Variants in SLC26A9 observed in about 807,000 individuals in gnomAD.
The protein encoded by SLC26A9 is anion transporter/exchanger protein 9.
Under a neutral mutation model 87.1 loss-of-function variants are expected in SLC26A9, and 46 were observed. That is an observed-to-expected ratio of 0.53 (90% CI 0.42 to 0.67). The LOEUF (loss-of-function observed/expected upper bound fraction) is 0.67, where lower values mean the gene tolerates loss of function less well. SLC26A9 is among the 30% of genes least tolerant of loss of function. The probability of loss-of-function intolerance (pLI) is 0.00; values close to 1 mark genes in which losing one functional copy is unlikely to be tolerated. For missense variants in SLC26A9, 927 were observed against 1,018.3 expected (o/e 0.91, Z 1.22); for synonymous variants, 437 against 409.1 (o/e 1.07, Z -0.82).
chr1:205,928,380 C>T (rs1409049416), intron 8 of SLC26A9: 16 of 396,372 alleles, frequency 4.0e-5, no homozygotes, highest in Non-Finnish European at 1.4e-5. Flanking sequence ...GCTATGTGGT[C>T]TTCCCTCCCT....
chr1:205,918,905 G>A lies in SLC26A9; in HGVS notation c.2191C>T (p.His731Tyr), dbSNP rs1317314122. Residue 731 changes from histidine to tyrosine, a missense_variant, in exon 19 of 21, where the codon CAT becomes TAT. Transcript: ENST00000367135. The part of the protein sequence containing the change: ...LECKHVFPSI[H>Y]DAVLFAQANA... ...GCCTGGGCAAAGAGGACTGCGTCATGTATGCTGGGAAAGACGTGCTTGCAT... is the reference window on the plus strand; with the variant it reads ...GCCTGGGCAAAGAGGACTGCGTCATATATGCTGGGAAAGACGTGCTTGCAT... 6.2e-7 allele frequency: 1 copy of A among 1,614,240 alleles called. No homozygotes were observed.
intron 1 of SLC26A9, among the ~76,000 whole-genome samples, chr1:205,937,227 C>A (rs1258235566): frequency 1.9e-5 from 1 of 51,998 alleles, no homozygotes; most frequent in African/African-American, 4.9e-5. Flanking sequence ...CCCGGCAAGA[C>A]CCCACAGGTG....
intron 2 of SLC26A9, 93 bp from the exon 3 acceptor site, chr1:205,933,177 A>G (rs1659377552): frequency 6.5e-7 from 1 of 1,531,808 alleles, no homozygotes; most frequent in East Asian, 2.3e-5. Context: ...CATTTCATTC[A>G]TTGGTTCATT....
chr1:205,935,539 A>T lies in SLC26A9; in HGVS notation c.125+157T>A, dbSNP rs371154994. 470 of 1,167,032 alleles carry T rather than the reference A, an allele frequency of 4.0e-4. 5 individuals carry two copies. The South Asian group carries it at 6.9e-3, about 17-fold the overall frequency. The allele number at this position is 1,167,032 out of a possible 1,614,324, so 72.3% of individuals were successfully genotyped here. ...CTCCCTGGGGGTCTCAGTACAGATGAGGTTGTAGGATCTTAAATTCATCAT... is the reference window on the plus strand; with the variant it reads ...CTCCCTGGGGGTCTCAGTACAGATGTGGTTGTAGGATCTTAAATTCATCAT... On this transcript the variant is annotated intron_variant, in intron 2 of 20. Coordinates refer to ENST00000367135, the MANE Select transcript of SLC26A9 (RefSeq NM_052934.4).
intron 18 of SLC26A9, 65 bp downstream of exon 18, chr1:205,920,111 C>A: frequency 2.5e-6 from 4 of 1,598,332 alleles, no homozygotes; most frequent in Non-Finnish European, 3.4e-6. Context: ...TCAGACCCCA[C>A]CAACCTGTTC....
At chr1:205,939,734 G>C (rs542253458) in intron 1 of SLC26A9, among the ~76,000 whole-genome samples, 1 of 152,090 alleles carries the variant, frequency 6.6e-6, no homozygotes, top group Non-Finnish European at 1.5e-5. Flanking sequence ...GGTGTCTCAC[G>C]ATGCCAGATG....
chr1:205,915,545 T>C (rs1040140918), intron 20 of SLC26A9, 141 bp from the exon 21 acceptor site: 2 of 833,420 alleles, frequency 2.4e-6, no homozygotes, highest in Admixed American at 2.9e-5. Context: ...TGTGTGTGTG[T>C]GTGCGAGAGT....
Position 205,929,946 on chromosome 1 carries a change from C to G in SLC26A9, c.663G>C (p.Lys221Asn). The change falls in exon 6 of 21, where the codon AAG (lysine) becomes AAC (asparagine). Residue 221 changes from lysine (K) to asparagine (N), a missense_variant. Transcript: ENST00000367135. ...AGGGGATGGTCAGTCCGAAGATGTA[C>G]TTGAGCACCGAAATCAGGATCTGCA... Reference protein sequence around the residue: ...AGLQILISVLKYIFGLTIPSY... With the variant: ...AGLQILISVLNYIFGLTIPSY... The G allele has an allele frequency of 1.2e-6, 2 of 1,613,692 alleles. No individual in the cohort carries two copies. The highest frequency in any genetic ancestry group is 1.7e-6 in the Non-Finnish European group (2 of 1,179,636).
intron 4 of SLC26A9, 94 bp downstream of exon 4, chr1:205,932,608 G>T (rs76277466): frequency 0.011 from 11,120 of 1,039,440 alleles, 117 homozygotes; most frequent in Middle Eastern, 0.04. Flanking sequence ...AACTCCAGGA[G>T]AATGCAGATG....
In SLC26A9 at chr1:205,929,897, C is replaced by T. The variant is rs538145477; in HGVS notation, c.712G>A (p.Val238Ile). The change falls in exon 6 of 21, where the codon GTC becomes ATC. Residue 238 changes from valine (V) to isoleucine (I), a missense_variant. Coordinates refer to ENST00000367135, the MANE Select transcript of SLC26A9 (RefSeq NM_052934.4). ...GGGTGCATCCCCAGACTCACAAAGA[C>T]GATGGACCCTGGGCCTGTGTAGGAG... ...IPSYTGPGSI[V>I]FTFIDICKNL... The T allele has an allele frequency of 1.8e-5, 28 of 1,591,502 alleles. No individual in the cohort carries two copies. Among genetic ancestry groups the T allele is most frequent in the Admixed American group, 1.7e-4 (10 of 59,470 alleles).
intron 5 of SLC26A9, 149 bp downstream of exon 5, chr1:205,931,711 C>T: frequency 1.9e-6 from 2 of 1,052,122 alleles, no homozygotes; most frequent in Non-Finnish European, 2.6e-6. Context: ...AAGTGATCCA[C>T]CCTCCTCAGC....
At position 205,921,829 on chromosome 1, in the gene SLC26A9, G is replaced by A; in HGVS notation, c.1792C>T (p.Leu598=). The change falls in exon 17 of 21, where the codon CTG becomes TTG. Residue 598 remains leucine, a synonymous_variant. Transcript: ENST00000367135. The part of the protein sequence containing the change: ...MKTKTVSLQE[L]QQDFENAPPT... Reference sequence around the variant, plus strand: ...GGCGCATTCTCAAAGTCCTGCTGCAGCTCCTGCAGGGAGACAGTCTGGAAG... The same window carrying A: ...GGCGCATTCTCAAAGTCCTGCTGCAACTCCTGCAGGGAGACAGTCTGGAAG... 1.2e-6 allele frequency: 2 copies of A among 1,606,818 alleles called. No homozygotes were observed. Among genetic ancestry groups the A allele is most frequent in the Non-Finnish European group, 1.7e-6 (2 of 1,177,834 alleles).
In SLC26A9 at chr1:205,914,024, C is replaced by T. The variant is rs571051676; in HGVS notation, c.*1333G>A. The T allele has an allele frequency of 6.6e-6, 1 of 152,218 alleles. No homozygotes were observed. The highest frequency in any genetic ancestry group is 1.5e-5 in the Non-Finnish European group (1 of 68,026). 9.4% of individuals were successfully genotyped at this position (152,218 alleles called of 1,614,324 possible). On this transcript the variant is annotated 3_prime_UTR_variant, in exon 21 of 21. Coordinates refer to ENST00000367135, the MANE Select transcript of SLC26A9 (RefSeq NM_052934.4). ...ATTTCCACTGAAATTTTACAAAACA[C>T]TTACACATGGAACCTATTTATTTTC...
At chr1:205,915,551 A>C (rs1272034963) in intron 20 of SLC26A9, 147 bp from the exon 21 acceptor site, 66 of 978,490 alleles carry the variant, frequency 6.7e-5, no homozygotes, top group Non-Finnish European at 7.3e-5. Flanking sequence ...TGTGTGTGCG[A>C]GAGTGTGTGT....
At chr1:205,940,010 C>T (rs1558131438) in intron 1 of SLC26A9, among the ~76,000 whole-genome samples, 3 of 152,072 alleles carry the variant, frequency 2.0e-5, no homozygotes, top group Non-Finnish European at 4.4e-5. Flanking sequence ...AAAGGGTGAC[C>T]CTGCCCCTCC....
In SLC26A9 at chr1:205,923,323, A is replaced by C. The variant is rs201910816; in HGVS notation, c.1659+12T>G. 1 of 1,613,918 alleles carries C rather than the reference A, an allele frequency of 6.2e-7. No homozygotes were observed. The highest frequency in any genetic ancestry group is 1.1e-5 in the South Asian group (1 of 91,044). On this transcript the variant is annotated intron_variant, in intron 15 of 20. Transcript: ENST00000367135. ...TGTCCAGAGCCTCTGGTCGCCAGGG[A>C]CTGAGCCTTACCTTGGCGATGACCT... is the stretch of plus-strand genomic sequence containing the variant.
In SLC26A9 at chr1:205,918,978, C is replaced by T; in HGVS notation, c.2118G>A (p.Val706=). Reference sequence around the variant, plus strand: ...CGCCTCCATGGCTAATGTCATTGTACACCTGGGCTAGAAGGAGAAAAGATC... The same window carrying T: ...CGCCTCCATGGCTAATGTCATTGTATACCTGGGCTAGAAGGAGAAAAGATC... ...KVFLVNIHAQ[V]YNDISHGGVF... The change falls in exon 19 of 21, where the codon GTG becomes GTA. Residue 706 remains valine, a synonymous_variant. Coordinates refer to ENST00000367135, the MANE Select transcript of SLC26A9 (RefSeq NM_052934.4). 6.2e-7 allele frequency: 1 copy of T among 1,614,120 alleles called. No individual in the cohort carries two copies. The highest frequency in any genetic ancestry group is 8.5e-7 in the Non-Finnish European group (1 of 1,179,962).
chr1:205,943,017 C>A (rs1659814204), intron 1 of SLC26A9, among the ~76,000 whole-genome samples: 1 of 152,230 alleles, frequency 6.6e-6, no homozygotes, highest in Non-Finnish European at 1.5e-5. Context: ...CAGCCCACAG[C>A]TTCAAAGGCT....
intron 1 of SLC26A9, among the ~76,000 whole-genome samples, chr1:205,936,191 C>T (rs989866868): frequency 1.3e-5 from 2 of 152,200 alleles, no homozygotes; most frequent in African/African-American, 4.8e-5. Context: ...GGACCCTCCC[C>T]TCCCCTGACC....
Sources: gnomAD v4.1 joint callset for allele counts (sites outside exome capture counted in the v4.1 genomes callset) on GRCh38, gnomAD v4.1.1 for gene constraint, MANE v1.5 for transcripts, NCBI Gene and HGNC (gene_info 2026-07-23, HGNC 2026-07-21) for gene names.